Variants in AHI1 observed in about 807,000 individuals in gnomAD.
AHI1 encodes the protein Abelson helper integration site 1, also known as jouberin.
A neutral mutation model predicts 149.3 loss-of-function variants in AHI1; 123 were observed. The ratio of observed to expected loss-of-function variants is 0.82; its 90% confidence interval spans 0.71 to 0.96. The LOEUF is 0.96. Among genes scored for constraint, AHI1 ranks in the 40% least tolerant of loss-of-function variants. The probability of loss-of-function intolerance (pLI) is 0.00; values close to 1 mark genes in which losing one functional copy is unlikely to be tolerated. For synonymous variants in AHI1, 475 were observed against 459.8 expected (o/e 1.03, Z -0.42); for missense variants, 1,439 against 1,422.7 (o/e 1.01, Z -0.18).
At chr6:135,315,360 C>T (rs1007545268) in intron 26 of AHI1, among the ~76,000 whole-genome samples, 3 of 152,152 alleles carry the variant, frequency 2.0e-5, no homozygotes, top group Non-Finnish European at 4.4e-5. Context: ...ACTCCTTTTC[C>T]GTGTGATGCT....
chr6:135,382,118 C>T (rs377730383), intron 23 of AHI1, among the ~76,000 whole-genome samples: 1 of 151,970 alleles, frequency 6.6e-6, no homozygotes, highest in Admixed American at 6.5e-5. Flanking sequence ...AGTAAATTGT[C>T]TGAAATAAGA....
At chr6:135,457,829 G>A in intron 8 of AHI1, 116 bp from the exon 9 acceptor site, 1 of 964,986 alleles carries the variant, frequency 1.0e-6, no homozygotes, top group Non-Finnish European at 1.5e-6. Flanking sequence ...GGAACTTCAG[G>A]GGGAAAGAAA....
At chr6:135,474,654 CT>C (rs898667109) in intron 5 of AHI1, 8 of 152,062 alleles carry the variant, frequency 5.3e-5, no homozygotes, top group African/African-American at 1.9e-4. Context: ...GTTGTCAAGT[CT>C]TTTTTCTCCA....
intron 24 of AHI1, among the ~76,000 whole-genome samples, chr6:135,351,153 A>C (rs1792054662): frequency 6.6e-6 from 1 of 152,058 alleles, no homozygotes; most frequent in Non-Finnish European, 1.5e-5. Flanking sequence ...ACAAAAAAAA[A>C]AAAAGAAAGA....
chr6:135,348,069 C>T (rs186292658), intron 24 of AHI1, among the ~76,000 whole-genome samples: 1 of 152,150 alleles, frequency 6.6e-6, no homozygotes, highest in Non-Finnish European at 1.5e-5. Context: ...GGCCGTGTGG[C>T]TATCTCTGTC....
Position 135,462,729 on chromosome 6 carries a change from C to T in AHI1, c.931+396G>A, listed in dbSNP as rs1022091974. Among the ~76,000 whole-genome samples the T allele has an allele frequency of 1.3e-4, 20 of 152,084 alleles. No homozygotes were observed. The East Asian group carries it at 3.1e-3, about 23-fold the overall frequency. ...CAGCTTGGCCAACATGGTGAAACCC[C>T]GTCTCTACTAACAATACAAAAATTA... is the stretch of plus-strand genomic sequence containing the variant. On this transcript the variant is annotated intron_variant, in intron 8 of 28. Coordinates refer to ENST00000265602, the MANE Select transcript of AHI1 (RefSeq NM_001134831.2).
intron 22 of AHI1, among the ~76,000 whole-genome samples, chr6:135,399,160 G>A (rs1287216537): frequency 6.6e-6 from 1 of 152,188 alleles, no homozygotes; most frequent in Non-Finnish European, 1.5e-5. Flanking sequence ...CTCAGCTTGG[G>A]TGACAGGGAA....
chr6:135,296,592 A>G (rs1190021676), intron 27 of AHI1, among the ~76,000 whole-genome samples: 2 of 152,148 alleles, frequency 1.3e-5, no homozygotes, highest in Non-Finnish European at 1.5e-5. Context: ...TGTGTTCTAC[A>G]TACTCACATT....
chr6:135,453,107 C>T (rs994846053), intron 11 of AHI1, among the ~76,000 whole-genome samples: 9 of 152,074 alleles, frequency 5.9e-5, no homozygotes, highest in Non-Finnish European at 1.2e-4. Flanking sequence ...CTGTTTGTGT[C>T]TTTTTTAATG....
intron 27 of AHI1, among the ~76,000 whole-genome samples, chr6:135,293,214 G>C (rs1276120808): frequency 6.6e-6 from 1 of 151,668 alleles, no homozygotes; most frequent in Admixed American, 6.6e-5. Context: ...AAACTCTTAG[G>C]AAAGGGAAAC....
At chr6:135,316,124 T>A (rs185506684) in intron 26 of AHI1, among the ~76,000 whole-genome samples, 178 of 152,232 alleles carry the variant, frequency 1.2e-3, no homozygotes, top group Middle Eastern at 3.4e-3. Context: ...TTGAGAACCC[T>A]CTGCTTGGAG....
rs758126865 is a variant in AHI1 at position 135,284,267 on chromosome 6, T to C, written c.*1378A>G. ...GTTTACCAATTTTTATGCCTCTACA[T>C]GTGCAGGGATAAGAGCCAAATATAT... On this transcript the variant is annotated 3_prime_UTR_variant, in exon 29 of 29. Transcript: ENST00000265602. The C allele has an allele frequency of 8.5e-5, 13 of 152,236 alleles. No homozygotes were observed. Among genetic ancestry groups the C allele is most frequent in the Non-Finnish European group, 1.6e-4 (11 of 68,036 alleles). The allele number at this position is 152,236 out of a possible 1,614,324, so 9.4% of individuals were successfully genotyped here. A position where few individuals can be genotyped will look rare whatever the true frequency, so the allele number is the denominator to read the frequency against.
intron 5 of AHI1, among the ~76,000 whole-genome samples, chr6:135,482,730 G>A (rs915712926): frequency 4.0e-5 from 6 of 151,170 alleles, no homozygotes; most frequent in African/African-American, 7.3e-5. Context: ...GTAATGGGTC[G>A]GGTTATCTTT....
intron 24 of AHI1, among the ~76,000 whole-genome samples, chr6:135,335,184 C>T (rs1789197187): frequency 6.6e-6 from 1 of 152,164 alleles, no homozygotes; most frequent in African/African-American, 2.4e-5. Flanking sequence ...ACATGTCACA[C>T]TGAAATGCTC....
At chr6:135,455,675 C>A in intron 10 of AHI1, 59 bp downstream of exon 10, 1 of 1,251,870 alleles carries the variant, frequency 8.0e-7, no homozygotes. Context: ...TAATAGCTTA[C>A]ATTTGTGCTA....
At chr6:135,469,458 C>A (rs1446530852) in intron 5 of AHI1, among the ~76,000 whole-genome samples, 1 of 152,050 alleles carries the variant, frequency 6.6e-6, no homozygotes, top group East Asian at 1.9e-4. Context: ...ACATTCTTCA[C>A]AGAATTAGAA....
intron 5 of AHI1, among the ~76,000 whole-genome samples, chr6:135,469,257 A>T (rs142479215): frequency 2.7e-4 from 41 of 152,220 alleles, no homozygotes; most frequent in Non-Finnish European, 4.6e-4. Context: ...AAAGACAAAA[A>T]CCATATGATT....
intron 5 of AHI1, among the ~76,000 whole-genome samples, chr6:135,486,082 C>G (rs1452633679): frequency 6.6e-6 from 1 of 152,158 alleles, no homozygotes; most frequent in Non-Finnish European, 1.5e-5. Flanking sequence ...TGCTATGCAA[C>G]AAATATGGAC....
intron 26 of AHI1, among the ~76,000 whole-genome samples, chr6:135,316,703 A>G (rs796427962): frequency 2.6e-5 from 4 of 151,968 alleles, no homozygotes; most frequent in East Asian, 3.9e-4. Context: ...TCTATGACAT[A>G]CTTTCTGGGC....
Sources: allele counts gnomAD v4.1 joint callset (sites outside exome capture counted in the v4.1 genomes callset), GRCh38; gene constraint gnomAD v4.1.1; transcripts MANE v1.5; gene names NCBI Gene and HGNC (gene_info 2026-07-23, HGNC 2026-07-21).